OR52I2: variants seen among roughly 807,000 people sequenced by gnomAD.
OR52I2 encodes the protein olfactory receptor 52I2.
For synonymous variants in OR52I2, 147 were observed against 151.9 expected (o/e 0.97, Z 0.24); for missense variants, 350 against 402.4 (o/e 0.87, Z 1.11).
chr11:4,587,585 T>C (rs2133187926), exon 2 of OR52I2: 1 of 1,614,102 alleles, frequency 6.2e-7, no homozygotes, highest in East Asian at 2.2e-5. Context: ...GTATTTGGTC[T>C]CTCCTCAAAG....
chr11:4,583,913 T>A (rs1846279399), intron 1 of OR52I2, among the ~76,000 whole-genome samples: 1 of 152,220 alleles, frequency 6.6e-6, no homozygotes, highest in South Asian at 2.1e-4. Flanking sequence ...AATATATGTC[T>A]TTTGGTTAGG....
chr11:4,582,652 G>C (rs1846267655), intron 1 of OR52I2, among the ~76,000 whole-genome samples: 1 of 151,796 alleles, frequency 6.6e-6, no homozygotes, highest in Non-Finnish European at 1.5e-5. Flanking sequence ...TGTTGTCCAG[G>C]CTGAACTCCT....
exon 2 of OR52I2, chr11:4,590,414 T>G (rs1383769101): frequency 1.3e-5 from 2 of 152,188 alleles, no homozygotes; most frequent in East Asian, 1.9e-4. Context: ...AAGAAACAAC[T>G]AACCAAACCG....
At position 4,587,930 on chromosome 11, in the gene OR52I2, A is replaced by G. The variant is rs1846321386; in HGVS notation, c.*65A>G. 3.1e-6 allele frequency: 4 copies of G among 1,294,846 alleles called. No individual in the cohort carries two copies. In the African/African-American group the frequency reaches 4.4e-5, roughly 14 times the overall value. The allele number at this position is 1,294,846 out of a possible 1,614,324, so 80.2% of individuals were successfully genotyped here. A position where few individuals can be genotyped will look rare whatever the true frequency, so the allele number is the denominator to read the frequency against. On this transcript the variant is annotated 3_prime_UTR_variant, in exon 2 of 2. Transcript: ENST00000641896. ...CTTAGAGATCTGCAGAGCTTAGTTT[A>G]CCTGGTGCTACAGGAATTCTAAGAT... is the stretch of plus-strand genomic sequence containing the variant.
exon 2 of OR52I2, chr11:4,589,561 T>C (rs1220147097): frequency 1.3e-5 from 2 of 152,146 alleles, no homozygotes; most frequent in Admixed American, 6.5e-5. Context: ...TGGTGGGTAT[T>C]ACTGATACCA....
Position 4,587,308 on chromosome 11 carries a change from C to T in OR52I2, c.418C>T (p.Leu140Phe), listed in dbSNP as rs1412148478. ...CAAGCCTCTACACTACAAGAGAATT[C>T]TCACGCCTCAAGTGATGCTGGGAAT... Residue 140 changes from leucine to phenylalanine, a missense_variant, in exon 2 of 2, where the codon CTC (leucine) becomes TTC (phenylalanine). Coordinates refer to ENST00000641896, the Ensembl canonical transcript of OR52I2. 1.9e-6 allele frequency: 3 copies of T among 1,613,460 alleles called. No individual in the cohort carries two copies. Among genetic ancestry groups the T allele is most frequent in the Non-Finnish European group, 2.5e-6 (3 of 1,179,980 alleles).
At chr11:4,582,434 A>ATTTTTTTTTTTTTTTT (rs386372959) in intron 1 of OR52I2, among the ~76,000 whole-genome samples, 14 of 96,480 alleles carry the variant, frequency 1.5e-4, no homozygotes, top group African/African-American at 3.8e-4. Context: ...TTTATTTTTC[A>ATTTTTTTTTTTTTTTT]TTTTTTTTTT....
At chr11:4,584,697 G>T (rs1244628881) in intron 1 of OR52I2, among the ~76,000 whole-genome samples, 1 of 152,156 alleles carries the variant, frequency 6.6e-6, no homozygotes, top group African/African-American at 2.4e-5. Context: ...CTAAACTTGA[G>T]AACTGATCTA....
chr11:4,587,570 A>G (rs546298356), exon 2 of OR52I2: 31 of 1,614,006 alleles, frequency 1.9e-5, no homozygotes, highest in African/African-American at 9.3e-5. Flanking sequence ...TTAATTCTCA[A>G]GGCAGTATTT....
Position 4,587,807 on chromosome 11 carries a change from A to G in OR52I2, c.917A>G (p.Glu306Gly), listed in dbSNP as rs574749326. Reference sequence around the variant, plus strand: ...GGCATGAGGACCAAACAACTGCGGGAGAGAATATGGAGTTATCTGATGCAT... The same window carrying G: ...GGCATGAGGACCAAACAACTGCGGGGGAGAATATGGAGTTATCTGATGCAT... The change falls in exon 2 of 2, where the codon GAG (glutamate) becomes GGG (glycine). Residue 306 changes from glutamate to glycine, a missense_variant. Glu to Gly is a moderately conservative substitution (Grantham distance 98). Transcript: ENST00000641896. The G allele has an allele frequency of 5.0e-6, 8 of 1,614,084 alleles. No homozygotes were observed. In the South Asian group the frequency reaches 5.5e-5, roughly 11 times the overall value.
chr11:4,584,622 A>AGAC (rs1197619054), intron 1 of OR52I2, among the ~76,000 whole-genome samples: 1 of 152,180 alleles, frequency 6.6e-6, no homozygotes, highest in Non-Finnish European at 1.5e-5. Flanking sequence ...AAAGTAAGGG[A>AGAC]GACGGTTGTC....
At chr11:4,581,778 C>A (rs759317530) in exon 1 of OR52I2, 1 of 152,214 alleles carries the variant, frequency 6.6e-6, no homozygotes, top group East Asian at 1.9e-4. Context: ...GAGTCCTGTA[C>A]AAATCCCTCT....
exon 2 of OR52I2, chr11:4,587,721 C>A: frequency 1.2e-6 from 2 of 1,614,172 alleles, no homozygotes; most frequent in Middle Eastern, 1.6e-4. Context: ...CCTTGCACAC[C>A]CAAGTCCTGC....
rs112521658 is a variant in OR52I2, at chr11:4,587,370, A to G, written c.480A>G (p.Ile160Met). ...TCACCATCAGAGCTATCATAGCCAT[A>G]ACTCCACTGAGTTGGATGGTGAGTC... The change falls in exon 2 of 2, where the codon ATA (isoleucine) becomes ATG (methionine). Residue 160 changes from isoleucine to methionine, a missense_variant. By Grantham distance (10) the Ile-to-Met change is conservative (BLOSUM62 1). Coordinates refer to ENST00000641896, the Ensembl canonical transcript of OR52I2. 275 of 1,603,132 alleles carry G rather than the reference A, an allele frequency of 1.7e-4. 39 individuals carry two copies. The African/African-American group carries it at 3.7e-3, about 22-fold the overall frequency.
chr11:4,582,049 G>C (rs1459607871), intron 1 of OR52I2, among the ~76,000 whole-genome samples, 185 bp downstream of exon 1: 1 of 152,232 alleles, frequency 6.6e-6, no homozygotes, highest in Non-Finnish European at 1.5e-5. Context: ...GTTTGGATGA[G>C]GGAGGTGGAG....
exon 2 of OR52I2, chr11:4,587,313 G>A (rs201426229): frequency 4.0e-5 from 64 of 1,613,414 alleles, no homozygotes; most frequent in Non-Finnish European, 4.8e-5. Context: ...GAATTCTCAC[G>A]CCTCAAGTGA....
exon 2 of OR52I2, chr11:4,592,186 C>A (rs1443328287): frequency 6.6e-6 from 1 of 152,148 alleles, no homozygotes; most frequent in African/African-American, 2.4e-5. Flanking sequence ...CACCTATGTA[C>A]CAAGCATTAC....
chr11:4,585,389 G>A (rs1846292103), intron 1 of OR52I2, among the ~76,000 whole-genome samples: 1 of 152,172 alleles, frequency 6.6e-6, no homozygotes, highest in Admixed American at 6.5e-5. Context: ...TCACATGGCT[G>A]GGAAAATGTG....
intron 1 of OR52I2, among the ~76,000 whole-genome samples, chr11:4,583,084 C>T (rs1285305149): frequency 6.6e-6 from 1 of 152,166 alleles, no homozygotes; most frequent in African/African-American, 2.4e-5. Context: ...AAAAGAGTCA[C>T]TGGCAACAGA....
Sources: allele counts gnomAD v4.1 joint callset (sites outside exome capture counted in the v4.1 genomes callset), GRCh38; gene constraint gnomAD v4.1.1; transcripts MANE v1.5; gene names NCBI Gene and HGNC (gene_info 2026-07-23, HGNC 2026-07-21).